The following CCDC138 variants were observed in gnomAD, a reference collection of about 807,000 sequenced individuals.
The protein encoded by CCDC138 is coiled-coil domain containing 138.
Under a neutral mutation model 82.3 loss-of-function variants are expected in CCDC138, and 66 were observed. That is an observed-to-expected ratio of 0.80 (90% CI 0.66 to 0.98). CCDC138 has a LOEUF of 0.98. Ranked by LOEUF, CCDC138 falls within the 50% of genes least tolerant of loss-of-function variation. The pLI is 0.00. For missense variants in CCDC138, 816 were observed against 758.9 expected (o/e 1.08, Z -0.88); for synonymous variants, 297 against 265.4 (o/e 1.12, Z -1.16).
chr2:108,869,696 GA>G (rs1164993955), intron 13 of CCDC138, among the ~76,000 whole-genome samples: 5 of 152,016 alleles, frequency 3.3e-5, no homozygotes, highest in African/African-American at 1.2e-4. Context: ...AAGAAAAAAA[GA>G]AAAAAACAGC....
intron 10 of CCDC138, among the ~76,000 whole-genome samples, chr2:108,837,141 A>C (rs972949373): frequency 1.3e-5 from 2 of 152,142 alleles, no homozygotes; most frequent in African/African-American, 4.8e-5. Flanking sequence ...AAAGGCTTTC[A>C]TTCTTTTACC....
intron 3 of CCDC138, among the ~76,000 whole-genome samples, chr2:108,789,728 G>A (rs1679588720): frequency 6.6e-6 from 1 of 152,132 alleles, no homozygotes; most frequent in African/African-American, 2.4e-5. Flanking sequence ...GGTGGTCTGG[G>A]GAGATGGTAA....
At chr2:108,874,075 T>C (rs559655426) in intron 14 of CCDC138, among the ~76,000 whole-genome samples, 3 of 152,282 alleles carry the variant, frequency 2.0e-5, no homozygotes, top group African/African-American at 7.2e-5. Flanking sequence ...AAATGCTTCA[T>C]ATAAAAGTAA....
At chr2:108,868,514 C>T (rs1694759585) in intron 13 of CCDC138, among the ~76,000 whole-genome samples, 1 of 152,186 alleles carries the variant, frequency 6.6e-6, no homozygotes, top group South Asian at 2.1e-4. Context: ...TCACCTCTTT[C>T]TACCTCACCT....
intron 10 of CCDC138, among the ~76,000 whole-genome samples, chr2:108,817,592 T>A (rs1428123515): frequency 6.6e-6 from 1 of 152,118 alleles, no homozygotes; most frequent in Non-Finnish European, 1.5e-5. Flanking sequence ...TGCCCAGCCA[T>A]CAGATATCTT....
At chr2:108,833,082 A>G (rs2150306550) in intron 10 of CCDC138, among the ~76,000 whole-genome samples, 1 of 152,370 alleles carries the variant, frequency 6.6e-6, no homozygotes, top group African/African-American at 2.4e-5. Context: ...AACTGGAGTA[A>G]AGAGATCAGT....
In CCDC138 at chr2:108,876,167, G is replaced by A. The variant is rs773119947; in HGVS notation, c.1912G>A (p.Ala638Thr). 1.2e-6 allele frequency: 2 copies of A among 1,612,020 alleles called. No individual in the cohort carries two copies. Among genetic ancestry groups the A allele is most frequent in the African/African-American group, 1.3e-5 (1 of 74,864 alleles). Residue 638 changes from alanine (A) to threonine (T), a missense_variant, in exon 15 of 15, where the codon GCA (alanine) becomes ACA (threonine). Ala to Thr is a moderately conservative substitution (Grantham distance 58). Coordinates refer to ENST00000295124, the MANE Select transcript of CCDC138 (RefSeq NM_144978.3). ...EIQRTTNPEH[A>T]FLCINLNSTL... Reference sequence around the variant, plus strand: ...ACAAAGGACAACAAACCCAGAGCATGCATTTCTCTGTATTAATCTAAATTC... The same window carrying A: ...ACAAAGGACAACAAACCCAGAGCATACATTTCTCTGTATTAATCTAAATTC...
At chr2:108,799,323 CTTG>C (rs1475283036) in intron 6 of CCDC138, among the ~76,000 whole-genome samples, 1 of 152,184 alleles carries the variant, frequency 6.6e-6, no homozygotes, top group African/African-American at 2.4e-5. Context: ...ATATAACTTA[CTTG>C]GAGTAAAATT....
chr2:108,878,140 A>G (rs1031609294), downstream of CCDC138, among the ~76,000 whole-genome samples: 1 of 152,272 alleles, frequency 6.6e-6, no homozygotes, highest in Non-Finnish European at 1.5e-5. Flanking sequence ...TCAACCTCAT[A>G]TCAAAAGCAC....
chr2:108,863,864 TAATAGTC>T (rs1693997630), intron 13 of CCDC138, among the ~76,000 whole-genome samples: 1 of 152,216 alleles, frequency 6.6e-6, no homozygotes, highest in Admixed American at 6.5e-5. Context: ...GAAGTCTACT[TAATAGTC>T]AATTAATGAG....
intron 10 of CCDC138, among the ~76,000 whole-genome samples, chr2:108,823,845 C>T (rs1286089146): frequency 4.6e-5 from 7 of 151,998 alleles, no homozygotes; most frequent in South Asian, 2.1e-4. Flanking sequence ...GGCGTGGTGG[C>T]GGGCATCTGT....
At chr2:108,809,504 C>T (rs1008515935) in intron 7 of CCDC138, among the ~76,000 whole-genome samples, 10 of 148,414 alleles carry the variant, frequency 6.7e-5, no homozygotes, top group Non-Finnish European at 3.0e-5. Context: ...CAGTTTCATT[C>T]ATCAGTGTTT....
At chr2:108,831,046 A>G (rs1398802068) in intron 10 of CCDC138, among the ~76,000 whole-genome samples, 1 of 152,016 alleles carries the variant, frequency 6.6e-6, no homozygotes, top group Non-Finnish European at 1.5e-5. Context: ...ATGGTGGTGC[A>G]TAACTGTAAT....
At chr2:108,814,334 A>G (rs1244274317) in intron 9 of CCDC138, among the ~76,000 whole-genome samples, 2 of 152,138 alleles carry the variant, frequency 1.3e-5, no homozygotes, top group Non-Finnish European at 2.9e-5. Flanking sequence ...GTATCTTATT[A>G]TGGGCTTTGA....
intron 13 of CCDC138, among the ~76,000 whole-genome samples, chr2:108,868,855 C>T (rs575579067): frequency 3.3e-5 from 5 of 152,068 alleles, no homozygotes; most frequent in South Asian, 2.1e-4. Flanking sequence ...TTTCTGATGA[C>T]GTTGTCTTGC....
chr2:108,790,408 C>G (rs973662475), intron 3 of CCDC138, among the ~76,000 whole-genome samples: 1 of 152,106 alleles, frequency 6.6e-6, no homozygotes, highest in Non-Finnish European at 1.5e-5. Context: ...TAGTTGTGAT[C>G]TGGTCTGAAA....
intron 13 of CCDC138, among the ~76,000 whole-genome samples, chr2:108,870,218 G>T (rs1395572889): frequency 6.6e-6 from 1 of 152,148 alleles, no homozygotes; most frequent in East Asian, 1.9e-4. Context: ...TAGCTGAATT[G>T]AAAAATTTAC....
intron 7 of CCDC138, among the ~76,000 whole-genome samples, chr2:108,807,853 C>T (rs1260703549): frequency 6.6e-6 from 1 of 152,182 alleles, no homozygotes; most frequent in Admixed American, 6.5e-5. Flanking sequence ...AAGTGATCCA[C>T]CTGCCTCGGC....
chr2:108,811,025 T>C (rs931186376), intron 7 of CCDC138, among the ~76,000 whole-genome samples: 1 of 152,092 alleles, frequency 6.6e-6, no homozygotes, highest in African/African-American at 2.4e-5. Context: ...TCTGTGGTAC[T>C]GCTTGTAATG....
Sources: gnomAD v4.1 joint callset for allele counts (sites outside exome capture counted in the v4.1 genomes callset) on GRCh38, gnomAD v4.1.1 for gene constraint, MANE v1.5 for transcripts, NCBI Gene and HGNC (gene_info 2026-07-23, HGNC 2026-07-21) for gene names.